Variants in CTNNA2 observed in about 807,000 individuals in gnomAD.
CTNNA2 encodes the protein catenin alpha 2, also known as catenin alpha-2.
CTNNA2 carries 42 observed loss-of-function variants against 101.0 expected under a neutral mutation model. The observed-to-expected ratio is 0.42, with a 90% CI of 0.32 to 0.54. The LOEUF is 0.54. Among genes scored for constraint, CTNNA2 ranks in the 20% least tolerant of loss-of-function variants. The pLI is 0.14. For synonymous variants in CTNNA2, 450 were observed against 456.4 expected (o/e 0.99, Z 0.18); for missense variants, 871 against 1,223.1 (o/e 0.71, Z 4.29).
chr2:80,198,954 G>A (rs1056769996), intron 7 of CTNNA2, among the ~76,000 whole-genome samples: 21 of 151,852 alleles, frequency 1.4e-4, no homozygotes, highest in African/African-American at 3.9e-4. Context: ...AGGCCAAGGC[G>A]GGCATATCAC....
chr2:80,408,049 A>G (rs1679223676), intron 8 of CTNNA2, among the ~76,000 whole-genome samples: 1 of 152,208 alleles, frequency 6.6e-6, no homozygotes, highest in African/African-American at 2.4e-5. Flanking sequence ...TGCACCAAGA[A>G]GTAAATGCTC....
At chr2:79,631,820 TG>T (rs1325952348) in intron 1 of CTNNA2, among the ~76,000 whole-genome samples, 1 of 152,218 alleles carries the variant, frequency 6.6e-6, no homozygotes, top group African/African-American at 2.4e-5. Flanking sequence ...ACTGCCTTAC[TG>T]AAGCATGCCT....
chr2:79,789,190 G>A (rs1204872234), intron 3 of CTNNA2, among the ~76,000 whole-genome samples: 1 of 152,178 alleles, frequency 6.6e-6, no homozygotes, highest in Non-Finnish European at 1.5e-5. Context: ...GTGAGTCAGG[G>A]AAATGTTCCT....
chr2:79,941,063 A>C (rs1688126512), intron 7 of CTNNA2, among the ~76,000 whole-genome samples: 2 of 152,152 alleles, frequency 1.3e-5, no homozygotes. Context: ...GAGCTTCTGC[A>C]TTTCTAATCA....
intron 12 of CTNNA2, among the ~76,000 whole-genome samples, chr2:80,572,102 T>C (rs1694651273): frequency 1.3e-5 from 2 of 152,214 alleles, no homozygotes; most frequent in Admixed American, 1.3e-4. Flanking sequence ...CGAAATGATG[T>C]GTAACCATTG....
intron 3 of CTNNA2, among the ~76,000 whole-genome samples, chr2:79,799,192 T>C (rs1459697066): frequency 6.7e-6 from 1 of 148,668 alleles, no homozygotes; most frequent in East Asian, 2.1e-4. Context: ...TTTTTTTTTT[T>C]TTAATCTCTG....
In CTNNA2 at chr2:80,128,675, G is replaced by A. The variant is rs115625917; in HGVS notation, c.1056+218878G>A. ...AGCGACAATGTGCCAAGTACAAATG[G>A]TTTCCTGTTTATATTTTTCTTCTCT... On this transcript the variant is annotated intron_variant, in intron 7 of 18. Coordinates refer to ENST00000402739, the MANE Select transcript of CTNNA2 (RefSeq NM_001282597.3). 1.8e-3 allele frequency among the ~76,000 whole-genome samples: 271 copies of A among 152,126 alleles called. 1 individual carries two copies. The highest frequency in any genetic ancestry group is 6.3e-3 in the African/African-American group (263 of 41,500).
At chr2:79,715,112 C>A (rs2104829287) in intron 2 of CTNNA2, among the ~76,000 whole-genome samples, 1 of 143,248 alleles carries the variant, frequency 7.0e-6, no homozygotes, top group Admixed American at 7.4e-5. Context: ...GAGGCTGAGG[C>A]AGGAGAATCG....
At chr2:80,194,112 C>T in intron 7 of CTNNA2, among the ~76,000 whole-genome samples, 1 of 152,252 alleles carries the variant, frequency 6.6e-6, no homozygotes, top group East Asian at 1.9e-4. Flanking sequence ...AATTTTAATT[C>T]AAGTCAAGGC....
intron 18 of CTNNA2, among the ~76,000 whole-genome samples, chr2:80,632,799 ATAATCTTT>A (rs1317446751): frequency 1.3e-5 from 2 of 152,200 alleles, no homozygotes; most frequent in Admixed American, 1.3e-4. Flanking sequence ...AGGTGATGTA[ATAATCTTT>A]TATAGTCACA....
chr2:79,305,000 A>G (rs756043675), intron 2 of CTNNA2, among the ~76,000 whole-genome samples: 1 of 152,156 alleles, frequency 6.6e-6, no homozygotes. Context: ...CTTGAGTGTG[A>G]CAAACCAAGA....
chr2:80,458,032 G>A (rs547408995), intron 9 of CTNNA2, among the ~76,000 whole-genome samples: 29 of 152,296 alleles, frequency 1.9e-4, no homozygotes, highest in African/African-American at 6.5e-4. Context: ...GGCTGCAGAT[G>A]AGGAGGGCAA....
chr2:79,477,168 C>CTTTTTTTTTTTTTTT (rs5832392), intron 4 of CTNNA2, among the ~76,000 whole-genome samples: 4 of 123,148 alleles, frequency 3.2e-5, no homozygotes, highest in Non-Finnish European at 4.9e-5. Flanking sequence ...TCTTTTTTTT[C>CTTTTTTTTTTTTTTT]TTTTTTTTTT....
chr2:79,542,447 T>C (rs959506437), intron 1 of CTNNA2, among the ~76,000 whole-genome samples: 6 of 152,206 alleles, frequency 3.9e-5, no homozygotes, highest in African/African-American at 1.4e-4. Context: ...TTTCAAAGCA[T>C]TGAAATTAGG....
intron 14 of CTNNA2, among the ~76,000 whole-genome samples, chr2:80,588,149 T>G (rs957042223): frequency 6.6e-6 from 1 of 152,202 alleles, no homozygotes; most frequent in Non-Finnish European, 1.5e-5. Flanking sequence ...AACATTGAAC[T>G]CACAGCCAAT....
At chr2:80,249,676 G>A (rs892982851) in intron 7 of CTNNA2, among the ~76,000 whole-genome samples, 2 of 152,090 alleles carry the variant, frequency 1.3e-5, no homozygotes, top group Non-Finnish European at 2.9e-5. Context: ...CCTGTTCTGC[G>A]GGATTCTAAG....
At chr2:79,519,144 G>A (rs1459100249) in intron 1 of CTNNA2, among the ~76,000 whole-genome samples, 2 of 150,316 alleles carry the variant, frequency 1.3e-5, no homozygotes, top group East Asian at 2.0e-4. Context: ...CAGGAGAATC[G>A]CTTGAACCCA....
At chr2:80,047,844 A>G (rs1358711641) in intron 7 of CTNNA2, among the ~76,000 whole-genome samples, 1 of 152,214 alleles carries the variant, frequency 6.6e-6, no homozygotes, top group Non-Finnish European at 1.5e-5. Context: ...TCCCAGGTCA[A>G]ATTTGAAACG....
chr2:79,220,114 C>A (rs759869300), intron 2 of CTNNA2, among the ~76,000 whole-genome samples: 1 of 152,214 alleles, frequency 6.6e-6, no homozygotes, highest in South Asian at 2.1e-4. Context: ...TTAATCAGCG[C>A]TTCCCCCAAA....
Sources: gnomAD v4.1 joint callset for allele counts (sites outside exome capture counted in the v4.1 genomes callset) on GRCh38, gnomAD v4.1.1 for gene constraint, MANE v1.5 for transcripts, NCBI Gene and HGNC (gene_info 2026-07-23, HGNC 2026-07-21) for gene names.